PPM1K: variants seen among roughly 807,000 people sequenced by gnomAD.
PPM1K encodes the protein protein phosphatase, Mg2+/Mn2+ dependent 1K.
In PPM1K, 19 loss-of-function variants were observed where a neutral mutation model predicts 32.6. The ratio of observed to expected loss-of-function variants is 0.58; its 90% CI spans 0.41 to 0.86. The LOEUF is 0.86. Ranked by LOEUF, PPM1K falls within the 40% of genes least tolerant of loss-of-function variation. The pLI is 0.00. For synonymous variants in PPM1K, 159 were observed against 165.3 expected, an observed-to-expected ratio of 0.96 and a Z score of 0.29; for missense variants, 362 against 461.2, an observed-to-expected ratio of 0.78 and a Z score of 1.97.
At chr4:88,277,490 C>T (rs1350682545) in intron 2 of PPM1K, 5 of 418,904 alleles carry the variant, frequency 1.2e-5, no homozygotes. Flanking sequence ...CTCACTACCA[C>T]AACCCTGAGA....
At chr4:88,270,921 G>T in intron 3 of PPM1K, 1 of 300,672 alleles carries the variant, frequency 3.3e-6, no homozygotes, top group Non-Finnish European at 6.6e-6. Context: ...CATTTAACAT[G>T]GAAGTAAAAA....
Position 88,278,110 on chromosome 4 carries a change from C to T in PPM1K, c.440+34G>A. 1 of 1,567,542 alleles carries T rather than the reference C, an allele frequency of 6.4e-7. No homozygotes were observed. The highest frequency in any genetic ancestry group is 8.7e-7 in the Non-Finnish European group (1 of 1,146,512). On this transcript the variant is annotated intron_variant, in intron 2 of 6. Transcript: ENST00000608933. This position sits in a 1 kb window ranked among gnomAD's most constrained non-coding sequence, Gnocchi z 4.2. Reference sequence around the variant, plus strand: ...AAAGTTTAAGTAGGAAGTATAGGAACTGCAAAGTCAGGAGTGAAAGTCATT... The same window carrying T: ...AAAGTTTAAGTAGGAAGTATAGGAATTGCAAAGTCAGGAGTGAAAGTCATT...
rs1731489233 is a variant in PPM1K at position 88,269,937 on chromosome 4, CA to C, written c.542-1032del. Reference sequence around the variant, plus strand: ...ATTGTTAATTTGCATTGAGCCTTGTCAAAAGTGAGAATATTGTGAAATTATG... The same window carrying C: ...ATTGTTAATTTGCATTGAGCCTTGTCAAAGTGAGAATATTGTGAAATTATG... On this transcript the variant is annotated intron_variant, in intron 3 of 6. Transcript: ENST00000608933. Among the ~76,000 whole-genome samples, 5 of 152,180 alleles carry C rather than the reference CA, an allele frequency of 3.3e-5. No individual in the cohort carries two copies. The South Asian group carries it at 1.0e-3, about 32-fold the overall frequency.
rs554729787 is a variant in PPM1K at position 88,280,842 on chromosome 4, T to C, written c.-59-2200A>G. ...CCAGCCTGAGCAATGGAGCAAGACA[T>C]TGTCTATTTAAAAAAAGAGAGAGAG... On this transcript the variant is annotated intron_variant, in intron 1 of 6. Coordinates refer to ENST00000608933, the MANE Select transcript of PPM1K (RefSeq NM_152542.5). 4.6e-5 allele frequency among the ~76,000 whole-genome samples: 7 copies of C among 152,136 alleles called. No homozygotes were observed. In the South Asian group the frequency reaches 1.2e-3, roughly 27 times the overall value.
rs1048018186 is a variant in PPM1K, at chr4:88,276,454, G to C, written c.541+689C>G. ...ACTAGAAAACGTTTGCTGAATTTTC[G>C]TGAAATGGTTTTGATAAATTTAGTC... On this transcript the variant is annotated intron_variant, in intron 3 of 6. Transcript: ENST00000608933. 3.0e-6 allele frequency: 3 copies of C among 985,148 alleles called. No homozygotes were observed. The African/African-American group carries it at 5.2e-5, about 17-fold the overall frequency. 61.0% of individuals were successfully genotyped at this position (985,148 alleles called of 1,614,324 possible).
intron 1 of PPM1K, among the ~76,000 whole-genome samples, chr4:88,281,347 T>C: frequency 6.6e-6 from 1 of 152,356 alleles, no homozygotes; most frequent in Non-Finnish European, 1.5e-5. Flanking sequence ...TCTTGCCGTT[T>C]TATCTCCTCT....
chr4:88,265,171 A>G, intron 5 of PPM1K, 36 bp from the exon 6 acceptor site: 1 of 1,612,902 alleles, frequency 6.2e-7, no homozygotes, highest in Non-Finnish European at 8.5e-7. Context: ...ATTATAAGCT[A>G]GACTCTGCCT....
intron 5 of PPM1K, among the ~76,000 whole-genome samples, chr4:88,265,646 T>C (rs1216733876): frequency 6.6e-6 from 1 of 152,238 alleles, no homozygotes; most frequent in African/African-American, 2.4e-5. Context: ...AGCCTACCTG[T>C]TGGGCAAAAG....
rs1364656669 is a variant in PPM1K at position 88,261,701 on chromosome 4, T to A, written c.*894A>T. The A allele has an allele frequency of 6.6e-6, 1 of 150,448 alleles. No homozygotes were observed. Among genetic ancestry groups the A allele is most frequent in the Admixed American group, 6.6e-5 (1 of 15,126 alleles). The allele number at this position is 150,448 out of a possible 1,614,324, so 9.3% of individuals were successfully genotyped here. A position where few individuals can be genotyped will look rare whatever the true frequency, so the allele number is the denominator to read the frequency against. On this transcript the variant is annotated 3_prime_UTR_variant, in exon 7 of 7. Transcript: ENST00000608933. ...AATTAATTTCTTTTCTTTCTTTTTT[T>A]TTTTTTTTTTGAGATGGAGTTTTTC...
rs544938845 is a variant in PPM1K at position 88,268,398 on chromosome 4, A to G, written c.708-64T>C. On this transcript the variant is annotated intron_variant, in intron 4 of 6. Coordinates refer to ENST00000608933, the MANE Select transcript of PPM1K (RefSeq NM_152542.5). ...AACCCTTTGGGAGGCCAAGGAGGGCAGATCACGAGGTCAGGAGATCGAGAC... is the reference window on the plus strand; with the variant it reads ...AACCCTTTGGGAGGCCAAGGAGGGCGGATCACGAGGTCAGGAGATCGAGAC... 2.7e-4 allele frequency: 423 copies of G among 1,571,510 alleles called. 2 individuals are homozygous for G. Among genetic ancestry groups the G allele is most frequent in the East Asian group, 1.8e-3 (79 of 44,542 alleles).
In PPM1K at chr4:88,275,402, G is replaced by A. The variant is rs1041853138; in HGVS notation, c.541+1741C>T. 2.9e-5 allele frequency: 28 copies of A among 981,610 alleles called. No individual in the cohort carries two copies. The African/African-American group carries it at 4.4e-4, about 15-fold the overall frequency. The allele number at this position is 981,610 out of a possible 1,614,324, so 60.8% of individuals were successfully genotyped here. ...AGAAAGTTTCTTTTAAGATAGGCAAGTTAATTAAATTCTTTAAGTTCAAAA... is the reference window on the plus strand; with the variant it reads ...AGAAAGTTTCTTTTAAGATAGGCAAATTAATTAAATTCTTTAAGTTCAAAA... On this transcript the variant is annotated intron_variant, in intron 3 of 6. Transcript: ENST00000608933.
chr4:88,269,329 T>A (rs899179019), intron 3 of PPM1K, among the ~76,000 whole-genome samples: 1 of 152,210 alleles, frequency 6.6e-6, no homozygotes, highest in Non-Finnish European at 1.5e-5. Flanking sequence ...AGCTGACTTT[T>A]CTATAGTCTA....
chr4:88,270,520 A>G (rs1352442748), intron 3 of PPM1K, among the ~76,000 whole-genome samples: 1 of 152,238 alleles, frequency 6.6e-6, no homozygotes, highest in East Asian at 1.9e-4. Flanking sequence ...CGACTATGAA[A>G]CAGTGGAATC....
chr4:88,265,122 T>G lies in PPM1K; in HGVS notation c.866A>C (p.Asp289Ala). 6.2e-7 allele frequency: 1 copy of G among 1,614,232 alleles called. No individual in the cohort carries two copies. Among genetic ancestry groups the G allele is most frequent in the Non-Finnish European group, 8.5e-7 (1 of 1,180,034 alleles). ...TGTGGTGAGGACCAGGAAGCTGTCA[T>G]CAGCATGATGTAACTGCAATCAGAA... Reference protein sequence around the residue: ...ETKRIKLHHADDSFLVLTTDG... With the variant: ...ETKRIKLHHAADSFLVLTTDG... Residue 289 changes from aspartate to alanine, a missense_variant, in exon 6 of 7, where the codon GAT becomes GCT. Asp to Ala is a moderately radical substitution (Grantham distance 126). Coordinates refer to ENST00000608933, the MANE Select transcript of PPM1K (RefSeq NM_152542.5).
rs2110151317 is a variant in PPM1K, at chr4:88,261,610, G to T, written c.*985C>A. The T allele has an allele frequency of 6.6e-6, 1 of 151,966 alleles. No individual in the cohort carries two copies. The highest frequency in any genetic ancestry group is 1.9e-4 in the East Asian group (1 of 5,180). 9.4% of individuals were successfully genotyped at this position (151,966 alleles called of 1,614,324 possible). On this transcript the variant is annotated 3_prime_UTR_variant, in exon 7 of 7. Transcript: ENST00000608933. Reference sequence around the variant, plus strand: ...AAAATAGGAATAAATGGAGGGGAGGGCTGATGAGACAGCTGAAATACACAT... The same window carrying T: ...AAAATAGGAATAAATGGAGGGGAGGTCTGATGAGACAGCTGAAATACACAT...
intron 3 of PPM1K, chr4:88,276,143 A>T (rs1308057115): frequency 2.0e-6 from 2 of 985,342 alleles, no homozygotes; most frequent in Non-Finnish European, 2.4e-6. Flanking sequence ...GGAAAATCCC[A>T]GCCCTAACTC....
chr4:88,270,929 A>C (rs1389262629), intron 3 of PPM1K: 1 of 310,512 alleles, frequency 3.2e-6, no homozygotes, highest in Non-Finnish European at 6.4e-6. Context: ...ATGGAAGTAA[A>C]AATTCTCACT....
chr4:88,268,377 C>T, intron 4 of PPM1K, 43 bp from the exon 5 acceptor site: 2 of 1,609,992 alleles, frequency 1.2e-6, no homozygotes, highest in Non-Finnish European at 1.7e-6. Flanking sequence ...GTAGAAAACC[C>T]TTTGGGAGGC....
chr4:88,268,451 T>A lies in PPM1K; in HGVS notation c.708-117A>T. On this transcript the variant is annotated intron_variant, in intron 4 of 6. Coordinates refer to ENST00000608933, the MANE Select transcript of PPM1K (RefSeq NM_152542.5). ...TCCTGGCTAACACGGTGAAACCCCG[T>A]CTCTACTAAAAAACAAAAAATTAGC... is the stretch of plus-strand genomic sequence containing the variant. 4 of 1,238,030 alleles carry A rather than the reference T, an allele frequency of 3.2e-6. No homozygotes were observed. In the South Asian group the frequency reaches 5.2e-5, roughly 16 times the overall value. 76.7% of individuals were successfully genotyped at this position (1,238,030 alleles called of 1,614,324 possible). A position where few individuals can be genotyped will look rare whatever the true frequency, so the allele number is the denominator to read the frequency against.
Sources: gnomAD v4.1 joint callset for allele counts (sites outside exome capture counted in the v4.1 genomes callset) on GRCh38, gnomAD v4.1.1 for gene constraint, Gnocchi (gnomAD v3.1) non-coding constraint, MANE v1.5 for transcripts, NCBI Gene and HGNC (gene_info 2026-07-23, HGNC 2026-07-21) for gene names.